CCSER2: variants seen among roughly 807,000 people sequenced by gnomAD.
CCSER2 encodes coiled-coil serine rich protein 2, also known as serine-rich coiled-coil domain-containing protein 2.
A neutral mutation model predicts 92.3 loss-of-function variants in CCSER2; 46 were observed. The ratio of observed to expected loss-of-function variants is 0.50; its 90% CI spans 0.39 to 0.64. The LOEUF (loss-of-function observed/expected upper bound fraction) is 0.64. CCSER2 is among the 30% of genes least tolerant of loss of function. The pLI, the probability that CCSER2 is intolerant of heterozygous loss-of-function variation, is 0.00. For synonymous variants in CCSER2, 433 were observed against 431.4 expected (o/e 1.00, Z -0.04); for missense variants, 1,244 against 1,238.9 (o/e 1.00, Z -0.06).
At position 84,491,969 on chromosome 10, in the gene CCSER2, C is replaced by T. The variant is rs150142927; in HGVS notation, c.2325+14305C>T. ...AATTTCACTTTCCCTGTGCTGATTG[C>T]TGATACTTAGAAAAAAAATTGATTT... On this transcript the variant is annotated intron_variant, in intron 9 of 9. Transcript: ENST00000372088. Among the ~76,000 whole-genome samples, 395 of 152,212 alleles carry T rather than the reference C, an allele frequency of 2.6e-3. 2 individuals carry two copies. The highest frequency in any genetic ancestry group is 8.5e-3 in the African/African-American group (352 of 41,526).
intron 5 of CCSER2, among the ~76,000 whole-genome samples, chr10:84,435,723 A>T (rs572328734): frequency 1.9e-4 from 29 of 152,168 alleles, no homozygotes; most frequent in African/African-American, 7.0e-4. Context: ...AAGAGTACAC[A>T]GTTCATTCCT....
chr10:84,507,631 G>A (rs1292760963), intron 9 of CCSER2, among the ~76,000 whole-genome samples: 1 of 152,230 alleles, frequency 6.6e-6, no homozygotes, highest in Admixed American at 6.5e-5. Flanking sequence ...TACTCCATCA[G>A]GACTTGACAT....
At chr10:84,421,930 G>C (rs993604966) in intron 4 of CCSER2, among the ~76,000 whole-genome samples, 1 of 152,132 alleles carries the variant, frequency 6.6e-6, no homozygotes, top group Admixed American at 6.5e-5. Flanking sequence ...CGGGGAGGGT[G>C]ACCCAGCAAG....
chr10:84,486,262 A>AATGGG (rs1287124050), intron 9 of CCSER2, among the ~76,000 whole-genome samples: 1 of 152,208 alleles, frequency 6.6e-6, no homozygotes, highest in Non-Finnish European at 1.5e-5. Context: ...TATATCCAGT[A>AATGGG]ATGGGATGGC....
chr10:84,469,008 A>G (rs1361033342), intron 7 of CCSER2, among the ~76,000 whole-genome samples: 4 of 152,158 alleles, frequency 2.6e-5, no homozygotes, highest in African/African-American at 9.7e-5. Flanking sequence ...TACCAGTTAT[A>G]TGTATATTTG....
intron 1 of CCSER2, among the ~76,000 whole-genome samples, chr10:84,364,853 T>C (rs1845698945): frequency 6.6e-6 from 1 of 151,684 alleles, no homozygotes; most frequent in Non-Finnish European, 1.5e-5. Flanking sequence ...GTGATTCTTG[T>C]GCCTCAGCCT....
At chr10:84,409,512 GT>G (rs1250222401) in intron 3 of CCSER2, among the ~76,000 whole-genome samples, 4 of 150,656 alleles carry the variant, frequency 2.7e-5, no homozygotes, top group African/African-American at 4.9e-5. Flanking sequence ...ATATTATAGT[GT>G]TTTTATTTTC....
intron 3 of CCSER2, among the ~76,000 whole-genome samples, chr10:84,409,178 A>G (rs1842520246): frequency 6.6e-6 from 1 of 152,042 alleles, no homozygotes; most frequent in Non-Finnish European, 1.5e-5. Context: ...TTTAATAAAG[A>G]CGGAGTTTCA....
At chr10:84,426,893 A>T (rs891387002) in intron 5 of CCSER2, among the ~76,000 whole-genome samples, 1 of 152,226 alleles carries the variant, frequency 6.6e-6, no homozygotes, top group Non-Finnish European at 1.5e-5. Flanking sequence ...TTTTCAAACA[A>T]CTGTGTTCCT....
intron 6 of CCSER2, among the ~76,000 whole-genome samples, chr10:84,458,049 TG>T (rs1370254772): frequency 3.3e-5 from 5 of 151,954 alleles, no homozygotes; most frequent in African/African-American, 7.3e-5. Context: ...GTTCTGCTCT[TG>T]AAGTAAAATT....
intron 6 of CCSER2, among the ~76,000 whole-genome samples, chr10:84,459,191 A>G (rs552344127): frequency 3.5e-4 from 54 of 152,184 alleles, no homozygotes; most frequent in African/African-American, 1.3e-3. Context: ...TATTTTTAGT[A>G]GAGATGGAGT....
At chr10:84,463,691 A>G (rs531537129) in intron 6 of CCSER2, among the ~76,000 whole-genome samples, 1 of 152,306 alleles carries the variant, frequency 6.6e-6, no homozygotes, top group Non-Finnish European at 1.5e-5. Context: ...CTTATATAGT[A>G]TCCGTTATTT....
At chr10:84,436,591 C>T (rs1844166667) in intron 5 of CCSER2, among the ~76,000 whole-genome samples, 1 of 147,700 alleles carries the variant, frequency 6.8e-6, no homozygotes, top group Admixed American at 6.8e-5. Context: ...GCCGAGATCG[C>T]GCCACTGCAC....
intron 9 of CCSER2, among the ~76,000 whole-genome samples, chr10:84,501,574 A>C (rs1468967472): frequency 6.6e-6 from 1 of 151,484 alleles, no homozygotes; most frequent in African/African-American, 2.4e-5. Context: ...TAGCATTAGA[A>C]TTTTCTTGTC....
At chr10:84,472,947 G>A (rs559938221) in intron 8 of CCSER2, 1 of 152,080 alleles carries the variant, frequency 6.6e-6, no homozygotes, top group Non-Finnish European at 1.5e-5. Flanking sequence ...AGTCAGTCTA[G>A]GACTATGCAC....
At chr10:84,377,595 A>G (rs1453940142) in intron 3 of CCSER2, among the ~76,000 whole-genome samples, 2 of 152,082 alleles carry the variant, frequency 1.3e-5, no homozygotes, top group Admixed American at 6.6e-5. Context: ...TTCTTTTCCA[A>G]GATTTCTGTA....
intron 5 of CCSER2, among the ~76,000 whole-genome samples, chr10:84,437,084 G>GACC (rs1203050097): frequency 6.6e-6 from 1 of 151,660 alleles, no homozygotes; most frequent in Non-Finnish European, 1.5e-5. Flanking sequence ...AGAAGTTGAA[G>GACC]ACCAGCCTGA....
In CCSER2 at chr10:84,371,651, G is replaced by A; in HGVS notation, c.599G>A (p.Gly200Glu). ...ANSCATRSSS[G>E]ESLAQSPDSS... ...TCCTGTGCCACCAGAAGCAGTTCTG[G>A]AGAAAGCTTAGCTCAATCCCCAGAC... The change falls in exon 2 of 10, where the codon GGA becomes GAA. Residue 200 changes from glycine to glutamate, a missense_variant. Physicochemically the swap from Gly to Glu is moderately conservative, Grantham distance 98 (BLOSUM62 -2). Transcript: ENST00000372088. The A allele has an allele frequency of 6.2e-7, 1 of 1,613,736 alleles. No homozygotes were observed. Among genetic ancestry groups the A allele is most frequent in the Middle Eastern group, 1.7e-4 (1 of 6,060 alleles).
chr10:84,425,659 T>C lies in CCSER2; in HGVS notation c.1706-72T>C, dbSNP rs1589628100. Reference sequence around the variant, plus strand: ...TTTTATTTGATTTACAGCATTTAATTATCAAGCTATAAGAGTCAACTTTTA... The same window carrying C: ...TTTTATTTGATTTACAGCATTTAATCATCAAGCTATAAGAGTCAACTTTTA... On this transcript the variant is annotated intron_variant, in intron 4 of 9. Transcript: ENST00000372088. 9.0e-6 allele frequency: 9 copies of C among 995,564 alleles called. No homozygotes were observed. The East Asian group carries it at 2.6e-4, about 29-fold the overall frequency. 61.7% of individuals were successfully genotyped at this position (995,564 alleles called of 1,614,324 possible). A position where few individuals can be genotyped will look rare whatever the true frequency, so the allele number is the denominator to read the frequency against.
Sources: allele counts gnomAD v4.1 joint callset (sites outside exome capture counted in the v4.1 genomes callset), GRCh38; gene constraint gnomAD v4.1.1; transcripts MANE v1.5; gene names NCBI Gene and HGNC (gene_info 2026-07-23, HGNC 2026-07-21).